Variants in IL1RAPL1 observed in about 807,000 individuals in gnomAD.
IL1RAPL1 encodes the protein interleukin 1 receptor accessory protein like 1, also known as interleukin-1 receptor accessory protein-like 1.
IL1RAPL1 carries 3 observed loss-of-function variants against 48.4 expected under a neutral mutation model. That is an observed-to-expected ratio of 0.06 (90% confidence interval 0.03 to 0.16). The LOEUF (loss-of-function observed/expected upper bound fraction) is 0.16. Among genes scored for constraint, IL1RAPL1 ranks in the 10% least tolerant of loss-of-function variants. The pLI is 1.00. For synonymous variants in IL1RAPL1, 185 were observed against 187.7 expected, an observed-to-expected ratio of 0.99 and a Z score of 0.12; for missense variants, 349 against 530.6, an observed-to-expected ratio of 0.66 and a Z score of 3.36.
intron 5 of IL1RAPL1, among the ~76,000 whole-genome samples, chrX:29,564,920 C>T (rs1922349518): frequency 8.9e-6 from 1 of 111,762 alleles, no homozygotes; most frequent in South Asian, 3.7e-4. Flanking sequence ...CGTTTCTTTG[C>T]CTTTTCAGGC....
intron 5 of IL1RAPL1, among the ~76,000 whole-genome samples, chrX:29,629,002 T>C (rs1160405940): frequency 8.9e-6 from 1 of 111,927 alleles, no homozygotes; most frequent in Non-Finnish European, 1.9e-5. Flanking sequence ...AAGAAAATAG[T>C]CCAGGACTGA....
At chrX:29,811,771 G>T (rs768293426) in intron 6 of IL1RAPL1, among the ~76,000 whole-genome samples, 5 of 112,231 alleles carry the variant, frequency 4.5e-5, no homozygotes, top group African/African-American at 1.3e-4. Context: ...GCAGTTAATT[G>T]TATGTTAATT....
intron 6 of IL1RAPL1, among the ~76,000 whole-genome samples, chrX:29,858,557 C>T (rs985962493): frequency 1.8e-5 from 2 of 111,003 alleles, no homozygotes; most frequent in African/African-American, 6.6e-5. Flanking sequence ...TTTTATTCAT[C>T]TTCTAACCTC....
chrX:29,357,925 T>C (rs1325255400), intron 3 of IL1RAPL1, among the ~76,000 whole-genome samples: 1 of 111,855 alleles, frequency 8.9e-6, no homozygotes, highest in East Asian at 2.8e-4. Flanking sequence ...CAAAAGGGTA[T>C]GATCTAGTGA....
Position 29,013,686 on chromosome X carries a change from G to C in IL1RAPL1, c.82+224261G>C, listed in dbSNP as rs143062901. ...TGAGAACACATGGACACATGGTGGGGAACGACACACACTAGGGCCTGTTGG... is the reference window on the plus strand; with the variant it reads ...TGAGAACACATGGACACATGGTGGGCAACGACACACACTAGGGCCTGTTGG... On this transcript the variant is annotated intron_variant, in intron 2 of 10. Coordinates refer to ENST00000378993, the MANE Select transcript of IL1RAPL1 (RefSeq NM_014271.4). 9.9e-4 allele frequency among the ~76,000 whole-genome samples: 110 copies of C among 110,994 alleles called. No homozygotes were observed. The East Asian group carries it at 0.012, about 12-fold the overall frequency.
Position 29,663,907 on chromosome X carries a change from C to T in IL1RAPL1, c.704-4523C>T, listed in dbSNP as rs12156870. On this transcript the variant is annotated intron_variant, in intron 5 of 10. Transcript: ENST00000378993. ...ATTTTCCGTCTACTATATGCAGGAA[C>T]TTAATCTGTTTTCCTATTAAATCCT... Among the ~76,000 whole-genome samples the T allele has an allele frequency of 8.7e-3, 974 of 112,267 alleles. 9 individuals carry two copies. Among genetic ancestry groups the T allele is most frequent in the Middle Eastern group, 0.018 (4 of 218 alleles).
intron 1 of IL1RAPL1, among the ~76,000 whole-genome samples, chrX:28,695,836 C>CTTATGGGAA (rs953168997): frequency 2.7e-5 from 3 of 111,904 alleles, no homozygotes; most frequent in African/African-American, 9.7e-5. Context: ...TAAGAAACAA[C>CTTATGGGAA]TTATGGGAAT....
chrX:29,026,149 G>C (rs1340688858), intron 2 of IL1RAPL1, among the ~76,000 whole-genome samples: 1 of 111,781 alleles, frequency 8.9e-6, no homozygotes, highest in Non-Finnish European at 1.9e-5. Context: ...TAGTATCCTG[G>C]ATGCTTTTAC....
intron 2 of IL1RAPL1, among the ~76,000 whole-genome samples, chrX:28,871,319 A>G (rs1376126250): frequency 1.8e-5 from 2 of 112,233 alleles, no homozygotes; most frequent in African/African-American, 6.5e-5. Context: ...ACCTCATTCC[A>G]GTTAACAAAG....
intron 1 of IL1RAPL1, among the ~76,000 whole-genome samples, chrX:28,599,826 C>T (rs1934000704): frequency 8.9e-6 from 1 of 111,873 alleles, no homozygotes; most frequent in African/African-American, 3.3e-5. Context: ...GTTTCTGAGG[C>T]AGAGAAACTG....
chrX:28,652,825 A>T (rs745894671), intron 1 of IL1RAPL1, among the ~76,000 whole-genome samples: 19 of 109,773 alleles, frequency 1.7e-4, no homozygotes, highest in African/African-American at 5.6e-4. Context: ...AAAAACATGG[A>T]GGAAAATATA....
intron 2 of IL1RAPL1, among the ~76,000 whole-genome samples, chrX:28,888,820 A>C (rs190081229): frequency 6.3e-5 from 7 of 110,981 alleles, no homozygotes; most frequent in African/African-American, 2.3e-4. Flanking sequence ...CCTTTTTTTT[A>C]AGACGTGAAT....
At chrX:29,610,925 A>G (rs1418652595) in intron 5 of IL1RAPL1, among the ~76,000 whole-genome samples, 1 of 112,225 alleles carries the variant, frequency 8.9e-6, no homozygotes, top group Non-Finnish European at 1.9e-5. Flanking sequence ...ATTCCTACCT[A>G]AGGGGCCTAG....
intron 6 of IL1RAPL1, among the ~76,000 whole-genome samples, chrX:29,726,414 G>C (rs1452760580): frequency 1.8e-5 from 2 of 111,902 alleles, no homozygotes; most frequent in Admixed American, 1.9e-4. Context: ...TTCTGAACTT[G>C]CCATGTAAAA....
intron 6 of IL1RAPL1, among the ~76,000 whole-genome samples, chrX:29,669,908 T>C (rs1182486446): frequency 9.0e-6 from 1 of 111,711 alleles, no homozygotes; most frequent in Non-Finnish European, 1.9e-5. Context: ...TTTTTATTTA[T>C]AAATTCCCAT....
intron 6 of IL1RAPL1, among the ~76,000 whole-genome samples, chrX:29,852,508 T>G (rs1393396099): frequency 8.9e-6 from 1 of 111,790 alleles, no homozygotes; most frequent in Non-Finnish European, 1.9e-5. Context: ...CAAACTTTTT[T>G]TGGGACAACA....
chrX:29,614,276 T>C (rs1924206182), intron 5 of IL1RAPL1, among the ~76,000 whole-genome samples: 1 of 111,913 alleles, frequency 8.9e-6, no homozygotes, highest in African/African-American at 3.3e-5. Flanking sequence ...CTCAAGGTAA[T>C]AGCTGTCCCA....
intron 6 of IL1RAPL1, among the ~76,000 whole-genome samples, chrX:29,698,624 A>AAGAC (rs1311607864): frequency 9.0e-6 from 1 of 111,123 alleles, no homozygotes; most frequent in Non-Finnish European, 1.9e-5. Flanking sequence ...GAAGGAAGGA[A>AAGAC]AGACAGAAGG....
At chrX:29,544,027 G>C (rs1569335232) in intron 5 of IL1RAPL1, among the ~76,000 whole-genome samples, 2 of 111,998 alleles carry the variant, frequency 1.8e-5, no homozygotes, top group African/African-American at 6.5e-5. Context: ...GCATTCAAAA[G>C]TATTTTGAGT....
Sources: allele counts gnomAD v4.1 joint callset (sites outside exome capture counted in the v4.1 genomes callset), GRCh38; gene constraint gnomAD v4.1.1; transcripts MANE v1.5; gene names NCBI Gene and HGNC (gene_info 2026-07-23, HGNC 2026-07-21).